Variants in SLCO4C1 observed in about 807,000 individuals in gnomAD.
The protein encoded by SLCO4C1 is organic anion transporter M1.
In SLCO4C1, 58 loss-of-function variants were observed where a neutral mutation model predicts 72.1. That is an observed-to-expected ratio of 0.80 (90% CI 0.65 to 1.00). The LOEUF (loss-of-function observed/expected upper bound fraction) is 1.00. Among genes scored for constraint, SLCO4C1 ranks in the 50% least tolerant of loss-of-function variants. SLCO4C1 has a pLI of 0.00. For synonymous variants in SLCO4C1, 297 were observed against 312.5 expected (o/e 0.95, Z 0.52); for missense variants, 898 against 857.9 (o/e 1.05, Z -0.58).
At chr5:102,267,054 C>T (rs1749054863) in intron 3 of SLCO4C1, among the ~76,000 whole-genome samples, 1 of 152,104 alleles carries the variant, frequency 6.6e-6, no homozygotes, top group African/African-American at 2.4e-5. Flanking sequence ...GAATTTGTAT[C>T]TATGTTCATT....
At chr5:102,294,290 C>T (rs961107095) in intron 1 of SLCO4C1, among the ~76,000 whole-genome samples, 3 of 152,144 alleles carry the variant, frequency 2.0e-5, no homozygotes, top group African/African-American at 7.2e-5. Context: ...AACTGATCCG[C>T]CCGCCTCGGC....
chr5:102,240,543 T>C (rs10050388), intron 11 of SLCO4C1, among the ~76,000 whole-genome samples, 175 bp downstream of exon 11: 13,436 of 152,110 alleles, frequency 0.088, 637 homozygotes, highest in African/African-American at 0.11. Context: ...AGGTTAAAAG[T>C]ATGCAATAAG....
intron 8 of SLCO4C1, among the ~76,000 whole-genome samples, chr5:102,254,951 C>T (rs1245634495): frequency 6.6e-6 from 1 of 151,978 alleles, no homozygotes; most frequent in South Asian, 2.1e-4. Context: ...TTTGACTGAC[C>T]TGTTTGTAAT....
At chr5:102,282,992 C>A (rs985266132) in intron 2 of SLCO4C1, among the ~76,000 whole-genome samples, 1 of 151,820 alleles carries the variant, frequency 6.6e-6, no homozygotes, top group Non-Finnish European at 1.5e-5. Flanking sequence ...TTTCAAATGG[C>A]AACTTGGCTA....
rs745628697 is a variant in SLCO4C1 at position 102,260,285 on chromosome 5, C to G, written c.1056G>C (p.Gln352His). 8.8e-6 allele frequency: 12 copies of G among 1,369,882 alleles called. No homozygotes were observed. In the Admixed American group the frequency reaches 3.1e-4, roughly 35 times the overall value. The allele number at this position is 1,369,882 out of a possible 1,614,324, so 84.9% of individuals were successfully genotyped here. The change falls in exon 6 of 13, where the codon CAG becomes CAC. Residue 352 changes from glutamine (Q) to histidine (H), a missense_variant. Transcript: ENST00000310954. ...TAEIQAGKTS[Q>H]AHQSNSNADV... ...CTGCATTACTATTACTCTGATGAGC[C>G]TGGGAAGTTTTTCCAGCTTGAATTT...
At chr5:102,270,953 C>G (rs1307759974) in intron 2 of SLCO4C1, 147 bp from the exon 3 acceptor site, 1 of 723,878 alleles carries the variant, frequency 1.4e-6, no homozygotes, top group African/African-American at 1.8e-5. Flanking sequence ...AAAAATACAT[C>G]AAAAGAAAAA....
In SLCO4C1 at chr5:102,291,507, T is replaced by C; in HGVS notation, c.455A>G (p.Asp152Gly). The C allele has an allele frequency of 6.2e-7, 1 of 1,614,156 alleles. No individual in the cohort carries two copies. The highest frequency in any genetic ancestry group is 8.5e-7 in the Non-Finnish European group (1 of 1,180,022). Residue 152 changes from aspartate to glycine, a missense_variant, in exon 2 of 13, where the codon GAT (aspartate) becomes GGT (glycine). By Grantham distance (94) the Asp-to-Gly change is moderately conservative. Transcript: ENST00000310954. Reference protein sequence around the residue: ...SLTGLISSSYDISFCLLSLFV... With the variant: ...SLTGLISSSYGISFCLLSLFV... ...TAAAGACAACAAACAGAATGAAATA[T>C]CGTAGCTTGATGAAATCAGGCCAGT...
At chr5:102,266,572 C>A (rs112300717) in intron 3 of SLCO4C1, among the ~76,000 whole-genome samples, 43 of 152,188 alleles carry the variant, frequency 2.8e-4, no homozygotes, top group African/African-American at 9.6e-4. Flanking sequence ...ATCACTTAAA[C>A]CCAGGAAGCA....
intron 2 of SLCO4C1, among the ~76,000 whole-genome samples, chr5:102,275,068 A>G (rs993050576): frequency 3.3e-5 from 5 of 152,192 alleles, no homozygotes; most frequent in African/African-American, 1.2e-4. Flanking sequence ...TTCATGGAGC[A>G]AATGAGAAAT....
chr5:102,241,456 C>G (rs538252771), intron 10 of SLCO4C1, among the ~76,000 whole-genome samples: 1 of 151,876 alleles, frequency 6.6e-6, no homozygotes, highest in Admixed American at 6.6e-5. Context: ...CTTCTATACA[C>G]CAACAATGAA....
intron 1 of SLCO4C1, among the ~76,000 whole-genome samples, chr5:102,292,720 C>A (rs1749578623): frequency 6.6e-6 from 1 of 152,068 alleles, no homozygotes; most frequent in South Asian, 2.1e-4. Flanking sequence ...AAAATTTTGA[C>A]TTACTTAAAA....
intron 4 of SLCO4C1, 143 bp downstream of exon 4, chr5:102,263,541 A>C (rs1056873928): frequency 8.6e-6 from 5 of 584,278 alleles, no homozygotes; most frequent in Non-Finnish European, 1.5e-5. Context: ...GATATTATAT[A>C]AGAATTCTTT....
Position 102,291,449 on chromosome 5 carries a change from C to A in SLCO4C1, c.513G>T (p.Lys171Asn). The A allele has an allele frequency of 6.2e-7, 1 of 1,614,150 alleles. No individual in the cohort carries two copies. Among genetic ancestry groups the A allele is most frequent in the Non-Finnish European group, 8.5e-7 (1 of 1,180,020 alleles). The change falls in exon 2 of 13, where the codon AAG (lysine) becomes AAT (asparagine). Residue 171 changes from lysine (K) to asparagine (N), a missense_variant. Physicochemically the swap from Lys to Asn is moderately conservative, Grantham distance 94. Transcript: ENST00000310954. ...AGGCTGCAAATGCAAGCCATCTCGG[C>A]TTATGTCCTCTTTCACCAAAGAATG... ...FVSFFGERGH[K>N]PRWLAFAAFM...
chr5:102,291,347 A>C lies in SLCO4C1; in HGVS notation c.615T>G (p.Phe205Leu). 1.2e-6 allele frequency: 2 copies of C among 1,611,528 alleles called. No homozygotes were observed. The highest frequency in any genetic ancestry group is 1.7e-6 in the Non-Finnish European group (2 of 1,179,332). The change falls in exon 2 of 13, where the codon TTT (phenylalanine) becomes TTG (leucine). Residue 205 changes from phenylalanine (F) to leucine (L), a missense_variant. Physicochemically the swap from Phe to Leu is conservative, Grantham distance 22 (BLOSUM62 0). Transcript: ENST00000310954. ...FSGEYKLGSL[F>L]EDTCVTTRNS... is the part of the protein sequence containing the mutation. Reference sequence around the variant, plus strand: ...ATAAACACAATAGAAACTTACCTTCAAAAAGAGACCCCAATTTATATTCTC... The same window carrying C: ...ATAAACACAATAGAAACTTACCTTCCAAAAGAGACCCCAATTTATATTCTC...
rs144643168 is a variant in SLCO4C1 at position 102,247,339 on chromosome 5, G to T, written c.1724C>A (p.Ala575Glu). ...AATGCAAAGGAATATGGGCAGTTTC[G>T]CACAATGAGTTTCACATTTTCCAGC... ...AKAGKCETHC[A>E]KLPIFLCIFF... The change falls in exon 10 of 13, where the codon GCG (alanine) becomes GAG (glutamate). Residue 575 changes from alanine (A) to glutamate (E), a missense_variant. By Grantham distance (107) the Ala-to-Glu change is moderately radical (BLOSUM62 -1). Transcript: ENST00000310954. 2 of 1,598,754 alleles carry T rather than the reference G, an allele frequency of 1.3e-6. No homozygotes were observed. The highest frequency in any genetic ancestry group is 4.5e-5 in the East Asian group (2 of 44,530).
intron 5 of SLCO4C1, among the ~76,000 whole-genome samples, chr5:102,261,490 A>T (rs555543554): frequency 1.6e-4 from 25 of 151,988 alleles, no homozygotes; most frequent in Non-Finnish European, 3.1e-4. Flanking sequence ...CTACGGAATG[A>T]CTTCAGTGAT....
chr5:102,267,315 C>T (rs527458441), intron 3 of SLCO4C1, among the ~76,000 whole-genome samples: 2 of 152,250 alleles, frequency 1.3e-5, no homozygotes, highest in South Asian at 4.1e-4. Flanking sequence ...TGTTATTTGT[C>T]TGACCAAGTT....
At chr5:102,264,836 A>G (rs1228556334) in intron 3 of SLCO4C1, among the ~76,000 whole-genome samples, 4 of 64,072 alleles carry the variant, frequency 6.2e-5, no homozygotes, top group East Asian at 3.9e-4. Flanking sequence ...CTATGAGCTG[A>G]TATTTTTTCT....
intron 1 of SLCO4C1, among the ~76,000 whole-genome samples, chr5:102,292,201 T>C (rs1205678823): frequency 6.6e-6 from 1 of 152,208 alleles, no homozygotes; most frequent in East Asian, 1.9e-4. Flanking sequence ...TACTAAATTA[T>C]AGTTAACTAG....
Sources: gnomAD v4.1 joint callset for allele counts (sites outside exome capture counted in the v4.1 genomes callset) on GRCh38, gnomAD v4.1.1 for gene constraint, MANE v1.5 for transcripts, NCBI Gene and HGNC (gene_info 2026-07-23, HGNC 2026-07-21) for gene names.